The following CSMD3 variants were observed in gnomAD, a reference collection of about 807,000 sequenced individuals.
The protein encoded by CSMD3 is CUB and sushi domain-containing protein 3.
A neutral mutation model predicts 435.2 loss-of-function variants in CSMD3; 177 were observed. The ratio of observed to expected loss-of-function variants is 0.41; its 90% CI spans 0.36 to 0.46. CSMD3 has a LOEUF of 0.46. Among genes scored for constraint, CSMD3 ranks in the 20% least tolerant of loss-of-function variants. The probability of loss-of-function intolerance (pLI) is 0.34; values close to 1 mark genes in which losing one functional copy is unlikely to be tolerated. For missense variants in CSMD3, 4,265 were observed against 4,504.6 expected (o/e 0.95, Z 1.52); for synonymous variants, 1,656 against 1,520.5 (o/e 1.09, Z -2.07).
intron 9 of CSMD3, among the ~76,000 whole-genome samples, chr8:112,943,248 A>G (rs2130777249): frequency 6.6e-6 from 1 of 151,582 alleles, no homozygotes; most frequent in African/African-American, 2.4e-5. Flanking sequence ...TAGATATGTA[A>G]TTTGCAAATT....
In CSMD3 at chr8:112,517,125, G is replaced by C. The variant is rs941798438; in HGVS notation, c.4665C>G (p.Asp1555Glu). The C allele has an allele frequency of 6.2e-7, 1 of 1,613,468 alleles. No homozygotes were observed. The highest frequency in any genetic ancestry group is 1.3e-5 in the African/African-American group (1 of 74,824). The change falls in exon 28 of 71, where the codon GAC (aspartate) becomes GAG (glutamate). Residue 1555 changes from aspartate to glutamate, a missense_variant. Physicochemically the swap from Asp to Glu is conservative, Grantham distance 45. This residue lies in a region of CSMD3 where 3,255 missense variants were observed against 3,380.2 expected (regional missense o/e 0.96). Coordinates refer to ENST00000297405, the MANE Select transcript of CSMD3 (RefSeq NM_198123.2). ...EPGDTVVFQC[D>E]PGYELQGEER... is the part of the protein sequence containing the mutation. ...CCTCTCCTTGAAGTTCATATCCTGG[G>C]TCACATTGAAAAACAACAGTGTCCC...
At chr8:112,351,492 C>A (rs1033817054) in intron 39 of CSMD3, among the ~76,000 whole-genome samples, 1 of 151,778 alleles carries the variant, frequency 6.6e-6, no homozygotes, top group Non-Finnish European at 1.5e-5. Flanking sequence ...ATTAGAATTG[C>A]GGTTTTAATA....
chr8:113,218,334 A>C (rs954854822), intron 3 of CSMD3, among the ~76,000 whole-genome samples: 3 of 151,004 alleles, frequency 2.0e-5, no homozygotes, highest in Non-Finnish European at 4.4e-5. Flanking sequence ...AGTTCTATTA[A>C]ATTATTTCAT....
intron 45 of CSMD3, among the ~76,000 whole-genome samples, chr8:112,333,771 T>C (rs927070837): frequency 5.9e-5 from 9 of 152,120 alleles, no homozygotes; most frequent in African/African-American, 2.2e-4. Flanking sequence ...ATACTTCCTA[T>C]AGGGTTATCT....
At chr8:113,278,066 C>T (rs1055164637) in intron 3 of CSMD3, among the ~76,000 whole-genome samples, 12 of 151,824 alleles carry the variant, frequency 7.9e-5, no homozygotes, top group Admixed American at 2.6e-4. Flanking sequence ...GAGTTTGTAC[C>T]AAACTTCTAG....
At chr8:112,421,468 C>A (rs975621192) in intron 32 of CSMD3, among the ~76,000 whole-genome samples, 13 of 151,082 alleles carry the variant, frequency 8.6e-5, no homozygotes, top group African/African-American at 3.2e-4. Flanking sequence ...TACTGGAACC[C>A]GGGAGCCACA....
intron 11 of CSMD3, among the ~76,000 whole-genome samples, chr8:112,843,303 C>A (rs2080231501): frequency 6.6e-6 from 1 of 151,806 alleles, no homozygotes. Flanking sequence ...GATTTAGATG[C>A]TCATAAAAGA....
At chr8:112,746,498 C>A (rs935223709) in intron 13 of CSMD3, among the ~76,000 whole-genome samples, 3 of 152,126 alleles carry the variant, frequency 2.0e-5, no homozygotes, top group Non-Finnish European at 4.4e-5. Flanking sequence ...AGCCTGTCTA[C>A]AAATTTGAAA....
intron 3 of CSMD3, among the ~76,000 whole-genome samples, chr8:113,223,752 A>ATGTGTGTGTGTGTGTGTGTG (rs746390167): frequency 8.3e-6 from 1 of 120,890 alleles, no homozygotes; most frequent in South Asian, 2.5e-4. Context: ...GTGTGTGTTT[A>ATGTGTGTGTGTGTGTGTGTG]TGTGTGTGTA....
At chr8:113,405,323 A>AGGT (rs2094527826) in intron 1 of CSMD3, among the ~76,000 whole-genome samples, 1 of 151,534 alleles carries the variant, frequency 6.6e-6, no homozygotes, top group East Asian at 1.9e-4. Flanking sequence ...GTCATTTGAG[A>AGGT]AGTAGGCAGA....
At chr8:112,529,069 CAA>C (rs919096891) in intron 27 of CSMD3, among the ~76,000 whole-genome samples, 1 of 151,952 alleles carries the variant, frequency 6.6e-6, no homozygotes, top group Non-Finnish European at 1.5e-5. Context: ...ACAGCAACCA[CAA>C]AAAAACAACA....
intron 63 of CSMD3, among the ~76,000 whole-genome samples, chr8:112,248,179 G>T (rs1814931739): frequency 6.6e-6 from 1 of 151,912 alleles, no homozygotes; most frequent in Non-Finnish European, 1.5e-5. Flanking sequence ...AATATTATTT[G>T]TATTGAAATC....
intron 38 of CSMD3, among the ~76,000 whole-genome samples, chr8:112,355,440 A>G (rs1826503908): frequency 6.6e-6 from 1 of 152,222 alleles, no homozygotes. Context: ...AAATGTTCAT[A>G]ATGGGAGAAA....
At chr8:112,302,488 A>C (rs920554449) in intron 52 of CSMD3, among the ~76,000 whole-genome samples, 8 of 152,204 alleles carry the variant, frequency 5.3e-5, no homozygotes, top group Non-Finnish European at 1.0e-4. Context: ...GATATAATTC[A>C]TCTGTTTTTT....
chr8:112,604,445 A>G (rs1832632043), intron 22 of CSMD3, among the ~76,000 whole-genome samples: 1 of 152,194 alleles, frequency 6.6e-6, no homozygotes, highest in Non-Finnish European at 1.5e-5. Flanking sequence ...ATACAGACCA[A>G]TAGAGTAGGT....
chr8:112,609,559 G>T (rs535961677), intron 22 of CSMD3, among the ~76,000 whole-genome samples: 1 of 152,302 alleles, frequency 6.6e-6, no homozygotes, highest in Non-Finnish European at 1.5e-5. Context: ...CTTATACATT[G>T]TTGGTGGGAA....
chr8:112,555,135 T>G (rs1044347790), intron 25 of CSMD3, among the ~76,000 whole-genome samples: 1 of 151,976 alleles, frequency 6.6e-6, no homozygotes, highest in African/African-American at 2.4e-5. Context: ...TGAAATCTTG[T>G]GCAATATCAA....
At chr8:112,269,220 C>T (rs1236042455) in intron 59 of CSMD3, among the ~76,000 whole-genome samples, 1 of 152,180 alleles carries the variant, frequency 6.6e-6, no homozygotes, top group Admixed American at 6.5e-5. Context: ...GTAAGACTAA[C>T]CCCATCTTCC....
At chr8:113,417,804 T>G (rs979561595) in intron 1 of CSMD3, among the ~76,000 whole-genome samples, 3 of 152,094 alleles carry the variant, frequency 2.0e-5, no homozygotes, top group African/African-American at 7.2e-5. Context: ...AACATTAACA[T>G]AGGACAGGTT....
Sources: gnomAD v4.1 joint callset for allele counts (sites outside exome capture counted in the v4.1 genomes callset) on GRCh38, gnomAD v4.1.1 for gene constraint, gnomAD v4.1.1 regional missense constraint, MANE v1.5 for transcripts, NCBI Gene and HGNC (gene_info 2026-07-23, HGNC 2026-07-21) for gene names.